Variants in RASGEF1A observed in about 807,000 individuals in gnomAD.
The protein encoded by RASGEF1A is ras-GEF domain-containing family member 1A.
A neutral mutation model predicts 56.4 loss-of-function variants in RASGEF1A; 18 were observed. The ratio of observed to expected loss-of-function variants is 0.32; its 90% CI spans 0.22 to 0.47. The LOEUF (loss-of-function observed/expected upper bound fraction) is 0.47. Among genes scored for constraint, RASGEF1A ranks in the 20% least tolerant of loss-of-function variants. The pLI is 1.00. For missense variants in RASGEF1A, 422 were observed against 627.1 expected (o/e 0.67, Z 3.49); for synonymous variants, 245 against 242.6 (o/e 1.01, Z -0.09).
At chr10:43,260,850 C>T (rs758302466) in intron 1 of RASGEF1A, among the ~76,000 whole-genome samples, 3 of 152,278 alleles carry the variant, frequency 2.0e-5, no homozygotes, top group African/African-American at 7.2e-5. Flanking sequence ...TTTGACCCAT[C>T]ATTCAAACAT....
chr10:43,248,070 A>C (rs1235156799), intron 1 of RASGEF1A, among the ~76,000 whole-genome samples: 2 of 130,288 alleles, frequency 1.5e-5, no homozygotes, highest in South Asian at 2.6e-4. Context: ...AAAAAAAAAA[A>C]CATGGCCGAG....
intron 1 of RASGEF1A, among the ~76,000 whole-genome samples, chr10:43,233,784 G>C (rs1332911224): frequency 6.6e-6 from 1 of 152,198 alleles, no homozygotes; most frequent in East Asian, 1.9e-4. Flanking sequence ...AAACACTAGA[G>C]ACTCACACCA....
intron 1 of RASGEF1A, among the ~76,000 whole-genome samples, chr10:43,256,241 G>T (rs1316385487): frequency 6.6e-6 from 1 of 152,198 alleles, no homozygotes; most frequent in African/African-American, 2.4e-5. Flanking sequence ...GCGGGGGCAG[G>T]TGCGGCAGGT....
chr10:43,238,898 G>T (rs1261302420), intron 1 of RASGEF1A, among the ~76,000 whole-genome samples: 1 of 152,232 alleles, frequency 6.6e-6, no homozygotes, highest in Non-Finnish European at 1.5e-5. Flanking sequence ...ACACAAGTCT[G>T]CACGTGCTTC....
intron 1 of RASGEF1A, among the ~76,000 whole-genome samples, chr10:43,246,396 T>C (rs1359584217): frequency 1.3e-5 from 2 of 152,190 alleles, no homozygotes; most frequent in Non-Finnish European, 2.9e-5. Flanking sequence ...TTTGTTGTTG[T>C]TGTTGCACAA....
chr10:43,223,389 T>A (rs1840234238), intron 1 of RASGEF1A, among the ~76,000 whole-genome samples: 1 of 152,140 alleles, frequency 6.6e-6, no homozygotes. Context: ...AATCCCTAAA[T>A]CACACCTGTG....
intron 1 of RASGEF1A, among the ~76,000 whole-genome samples, chr10:43,249,491 T>C (rs1840602802): frequency 6.6e-6 from 1 of 152,224 alleles, no homozygotes; most frequent in African/African-American, 2.4e-5. Flanking sequence ...ACAGTGCTGG[T>C]GATTTGGCCA....
At chr10:43,233,319 T>C (rs924397555) in intron 1 of RASGEF1A, among the ~76,000 whole-genome samples, 4 of 152,070 alleles carry the variant, frequency 2.6e-5, no homozygotes, top group Non-Finnish European at 4.4e-5. Flanking sequence ...TGTGTGCGTG[T>C]GTGTGTGTGT....
At chr10:43,207,662 G>T in intron 1 of RASGEF1A, 1 of 985,528 alleles carries the variant, frequency 1.0e-6, no homozygotes, top group Non-Finnish European at 1.2e-6. Flanking sequence ...TCATGGCTCA[G>T]ACTCATACAA....
At chr10:43,212,423 C>T (rs2133195472) in intron 1 of RASGEF1A, among the ~76,000 whole-genome samples, 1 of 152,340 alleles carries the variant, frequency 6.6e-6, no homozygotes, top group South Asian at 2.1e-4. Context: ...CCCCCTCTGA[C>T]TCTAGAACAG....
intron 1 of RASGEF1A, among the ~76,000 whole-genome samples, chr10:43,252,830 C>T (rs1022690787): frequency 1.3e-5 from 2 of 152,098 alleles, no homozygotes; most frequent in Non-Finnish European, 2.9e-5. Flanking sequence ...AGGCAGCACC[C>T]GAGAGAGGAC....
intron 1 of RASGEF1A, among the ~76,000 whole-genome samples, chr10:43,223,235 C>A (rs1431529272): frequency 6.6e-6 from 1 of 152,102 alleles, no homozygotes; most frequent in Non-Finnish European, 1.5e-5. Context: ...GAGTCTCTGC[C>A]ACATGGTCGT....
In RASGEF1A at chr10:43,203,280, A is replaced by G. The variant is rs757868913; in HGVS notation, c.321+18T>C. 3.8e-5 allele frequency: 58 copies of G among 1,522,008 alleles called. No homozygotes were observed. The South Asian group carries it at 6.9e-4, about 18-fold the overall frequency. The allele number at this position is 1,522,008 out of a possible 1,614,324, so 94.3% of individuals were successfully genotyped here. ...TGCCCCCTGCCCCCGCCCGTGCCCC[A>G]GCCAGGCCCCGCCTCACCTTTTCAG... is the stretch of plus-strand genomic sequence containing the variant. On this transcript the variant is annotated intron_variant, in intron 3 of 12. Coordinates refer to ENST00000395810, the MANE Select transcript of RASGEF1A (RefSeq NM_145313.4).
chr10:43,238,152 C>T (rs954697194), intron 1 of RASGEF1A, among the ~76,000 whole-genome samples: 1 of 105,484 alleles, frequency 9.5e-6, no homozygotes, highest in African/African-American at 4.2e-5. Flanking sequence ...TTTGCCATCA[C>T]AGAGTAACAC....
chr10:43,217,446 A>C (rs1355643740), intron 1 of RASGEF1A, among the ~76,000 whole-genome samples: 1 of 151,992 alleles, frequency 6.6e-6, no homozygotes, highest in Non-Finnish European at 1.5e-5. Flanking sequence ...CTCCATCCCC[A>C]CTGCACCTAG....
intron 1 of RASGEF1A, among the ~76,000 whole-genome samples, chr10:43,265,807 T>A (rs1836612393): frequency 6.6e-6 from 1 of 152,206 alleles, no homozygotes; most frequent in Non-Finnish European, 1.5e-5. Context: ...CTGGCAAGAC[T>A]GCATCCGGAG....
intron 1 of RASGEF1A, among the ~76,000 whole-genome samples, chr10:43,261,095 C>T (rs1052658902): frequency 2.3e-4 from 35 of 151,362 alleles, no homozygotes; most frequent in African/African-American, 1.2e-4. Flanking sequence ...CATGTGGGAG[C>T]GCCCTCCCCC....
At position 43,225,260 on chromosome 10, in the gene RASGEF1A, G is replaced by GA. The variant is rs1213373077; in HGVS notation, c.-6-19139_-6-19138insT. ...CATGTCTGTGTGTGGGGGTCTGTGGGGGGGGGGTCTCTGTGTCTGTGTGTT... is the reference window on the plus strand; with the variant it reads ...CATGTCTGTGTGTGGGGGTCTGTGGGAGGGGGGGTCTCTGTGTCTGTGTGTT... On this transcript the variant is annotated intron_variant, in intron 1 of 12. Transcript: ENST00000395810. 5.3e-4 allele frequency among the ~76,000 whole-genome samples: 49 copies of GA among 92,058 alleles called. 1 individual carries two copies. Among genetic ancestry groups the GA allele is most frequent in the Admixed American group, 1.3e-4 (1 of 7,642 alleles). 60.4% of individuals were successfully genotyped at this position (92,058 alleles called of 152,430 possible).
chr10:43,209,162 A>G, intron 1 of RASGEF1A: 2 of 985,490 alleles, frequency 2.0e-6, no homozygotes, highest in Non-Finnish European at 2.4e-6. Context: ...TCTTGGCTCC[A>G]GTCACAGCAA....
Sources: gnomAD v4.1 joint callset for allele counts (sites outside exome capture counted in the v4.1 genomes callset) on GRCh38, gnomAD v4.1.1 for gene constraint, MANE v1.5 for transcripts, NCBI Gene and HGNC (gene_info 2026-07-23, HGNC 2026-07-21) for gene names.